Variants in NRBP2 observed in about 807,000 individuals in gnomAD.
The protein encoded by NRBP2 is nuclear receptor binding protein 2.
NRBP2 carries 47 observed loss-of-function variants against 74.4 expected under a neutral mutation model. The ratio of observed to expected loss-of-function variants is 0.63; its 90% CI spans 0.50 to 0.81. The LOEUF is 0.81. Among genes scored for constraint, NRBP2 ranks in the 30% least tolerant of loss-of-function variants. The pLI, the probability that NRBP2 is intolerant of heterozygous loss-of-function variation, is 0.00. For synonymous variants in NRBP2, 312 were observed against 273.8 expected (o/e 1.14, Z -1.38); for missense variants, 613 against 690.1 (o/e 0.89, Z 1.25).
At chr8:143,830,316 C>G (rs1053814529), downstream of NRBP2, among the ~76,000 whole-genome samples, 1 of 152,220 alleles carries the variant, frequency 6.6e-6, no homozygotes, top group Admixed American at 6.5e-5. Context: ...GTCTGAGGGT[C>G]GTGGGTGAAA....
chr8:143,836,192 GA>G lies in NRBP2; in HGVS notation c.1264-13del. ...TGCATCTGGATGACCTGCAGCGGGG[GA>G]AGGCTGGGACTCACAAACCCAGCAG... is the stretch of plus-strand genomic sequence containing the variant. On this transcript the variant is annotated splice_polypyrimidine_tract_variant and intron_variant, in intron 14 of 17. Transcript: ENST00000442628. 1 of 1,539,078 alleles carries G rather than the reference GA, an allele frequency of 6.5e-7. No individual in the cohort carries two copies. The highest frequency in any genetic ancestry group is 8.7e-7 in the Non-Finnish European group (1 of 1,150,424).
In NRBP2 at chr8:143,837,587, C is replaced by A; in HGVS notation, c.973+36G>T. ...GCCCCTTCCACGTCCCAACCTCCAC[C>A]TCCCCAGCCACCCCCCGGGCCGGCC... On this transcript the variant is annotated intron_variant, in intron 11 of 17. Coordinates refer to ENST00000442628, the MANE Select transcript of NRBP2 (RefSeq NM_178564.4). The surrounding 1 kb of genome is among the most constrained non-coding windows in gnomAD (Gnocchi z 4.3). 6.3e-7 allele frequency: 1 copy of A among 1,595,610 alleles called. No individual in the cohort carries two copies. Among genetic ancestry groups the A allele is most frequent in the Non-Finnish European group, 8.5e-7 (1 of 1,171,974 alleles).
At chr8:143,830,555 CCT>C (rs1179004423), downstream of NRBP2, among the ~76,000 whole-genome samples, 2 of 152,232 alleles carry the variant, frequency 1.3e-5, no homozygotes, top group Admixed American at 1.3e-4. Flanking sequence ...GAAGAGGGCT[CCT>C]CTCTGCAGCA....
downstream of NRBP2, among the ~76,000 whole-genome samples, chr8:143,830,741 AAGAAGAAAAGGGACTC>A (rs1818126525): frequency 1.3e-5 from 2 of 152,248 alleles, no homozygotes; most frequent in South Asian, 4.1e-4. Flanking sequence ...ACACCTGAGA[AAGAAGAAAAGGGACTC>A]AGAAGAAACA....
Position 143,835,934 on chromosome 8 carries a change from C to T in NRBP2, c.1381+33G>A. On this transcript the variant is annotated intron_variant, in intron 16 of 17. Transcript: ENST00000442628. The surrounding 1 kb of genome is among the most constrained non-coding windows in gnomAD (Gnocchi z 4.9). ...GCTGCCCACCCGCCGCCTGGGGTCA[C>T]CGCCCGCCGCCCAAGTCCCCTGCCC... 2 of 1,589,206 alleles carry T rather than the reference C, an allele frequency of 1.3e-6. No homozygotes were observed. Among genetic ancestry groups the T allele is most frequent in the South Asian group, 2.2e-5 (2 of 88,938 alleles).
Position 143,840,031 on chromosome 8 carries a change from C to A in NRBP2, c.253-1G>T. The A allele has an allele frequency of 6.5e-7, 1 of 1,536,168 alleles. No individual in the cohort carries two copies. Among genetic ancestry groups the A allele is most frequent in the Non-Finnish European group, 8.7e-7 (1 of 1,146,908 alleles). On this transcript the variant is annotated splice_acceptor_variant, in intron 2 of 17. Transcript: ENST00000442628. LOFTEE classifies it high-confidence loss of function. This position sits in a 1 kb window ranked among gnomAD's most constrained non-coding sequence, Gnocchi z 5.7. ...GCTCGAACACGGTCTGGATCTTCTC[C>A]TGGGGAGGGAGGGTGGTCGCTGGGT...
At position 143,835,620 on chromosome 8, in the gene NRBP2, A is replaced by C; in HGVS notation, c.*42T>G. The stretch of plus-strand genomic sequence containing the variant: ...GGAGTCTCCCCAACATGGCCTGCCC[A>C]GGCAGCACCCCGGCATGGTCCCCTG... On this transcript the variant is annotated 3_prime_UTR_variant, in exon 18 of 18. Transcript: ENST00000442628. This position sits in a 1 kb window ranked among gnomAD's most constrained non-coding sequence, Gnocchi z 4.9. 1 of 1,506,864 alleles carries C rather than the reference A, an allele frequency of 6.6e-7. No homozygotes were observed. Among genetic ancestry groups the C allele is most frequent in the Non-Finnish European group, 8.9e-7 (1 of 1,121,540 alleles). The allele number at this position is 1,506,864 out of a possible 1,614,324, so 93.3% of individuals were successfully genotyped here.
At chr8:143,831,132 T>C (rs1038530694), downstream of NRBP2, among the ~76,000 whole-genome samples, 44 of 152,234 alleles carry the variant, frequency 2.9e-4, no homozygotes, top group African/African-American at 9.6e-4. Context: ...GGCAATAATG[T>C]GCACGCAGGA....
intron 14 of NRBP2, 147 bp downstream of exon 14, chr8:143,836,892 C>G: frequency 1.1e-6 from 1 of 906,744 alleles, no homozygotes; most frequent in Non-Finnish European, 1.7e-6. Flanking sequence ...ATGACCCCCA[C>G]AAGGGGGTCA....
At position 143,839,942 on chromosome 8, in the gene NRBP2, TCA is replaced by T. The variant is rs1818621946; in HGVS notation, c.339_340del (p.Glu114GlyfsTer92). ...GCCCGTGCTCACCCTCGCGCAGGCCTCAGAGGTATCCAGCCAGTACTTGTGCA... is the reference window on the plus strand; with the variant it reads ...GCCCGTGCTCACCCTCGCGCAGGCCTGAGGTATCCAGCCAGTACTTGTGCA... On this transcript the variant is annotated frameshift_variant, in exon 3 of 18. Coordinates refer to ENST00000442628, the MANE Select transcript of NRBP2 (RefSeq NM_178564.4). LOFTEE classifies it high-confidence loss of function. The surrounding 1 kb of genome is among the most constrained non-coding windows in gnomAD (Gnocchi z 5.1). The T allele has an allele frequency of 6.5e-7, 1 of 1,535,992 alleles. No individual in the cohort carries two copies. Among genetic ancestry groups the T allele is most frequent in the Non-Finnish European group, 8.7e-7 (1 of 1,146,892 alleles).
chr8:143,836,085 C>T (rs199642981), intron 15 of NRBP2, 42 bp downstream of exon 15: 129 of 1,587,942 alleles, frequency 8.1e-5, no homozygotes, highest in East Asian at 2.7e-4. Context: ...GCCACGCTCC[C>T]GCCTTCCCCA....
At chr8:143,831,494 G>A (rs782049110), downstream of NRBP2, among the ~76,000 whole-genome samples, 49 of 152,168 alleles carry the variant, frequency 3.2e-4, 1 homozygote, top group Non-Finnish European at 1.0e-4. Context: ...GGTGGCACAC[G>A]CCTGTAGTCC....
At chr8:143,830,216 C>G (rs1334428864), downstream of NRBP2, among the ~76,000 whole-genome samples, 1 of 152,262 alleles carries the variant, frequency 6.6e-6, no homozygotes. Context: ...TAAAGACAAA[C>G]CCTGCAAGGG....
Position 143,838,568 on chromosome 8 carries a change from A to G in NRBP2, c.840+112T>C, listed in dbSNP as rs1010292935. The stretch of plus-strand genomic sequence containing the variant: ...TTTGGGAGGGGTGCAGTCAGCTGGT[A>G]TACCCCTCAACTGCACAAACTGTGA... On this transcript the variant is annotated intron_variant, in intron 10 of 17. Coordinates refer to ENST00000442628, the MANE Select transcript of NRBP2 (RefSeq NM_178564.4). 1.8e-5 allele frequency: 14 copies of G among 764,208 alleles called. No homozygotes were observed. The African/African-American group carries it at 2.4e-4, about 13-fold the overall frequency. The allele number at this position is 764,208 out of a possible 1,614,324, so 47.3% of individuals were successfully genotyped here.
At chr8:143,832,652 A>C (rs1409349918), downstream of NRBP2, among the ~76,000 whole-genome samples, 1 of 152,264 alleles carries the variant, frequency 6.6e-6, no homozygotes, top group Non-Finnish European at 1.5e-5. Flanking sequence ...CTAAAAGCAC[A>C]GCACTTAATC....
intron 9 of NRBP2, 30 bp from the exon 10 acceptor site, chr8:143,838,805 G>C: frequency 5.0e-6 from 8 of 1,611,436 alleles, no homozygotes; most frequent in Non-Finnish European, 6.8e-6. Context: ...CAGGCATGGG[G>C]AAGGGACCAC....
At chr8:143,833,377 A>G (rs1227165894), downstream of NRBP2, 1 of 152,236 alleles carries the variant, frequency 6.6e-6, no homozygotes, top group Admixed American at 6.5e-5. Context: ...GTGGTAATGA[A>G]GCTGTAATAA....
Position 143,838,544 on chromosome 8 carries a change from T to C in NRBP2, c.840+136A>G. 4 of 666,180 alleles carry C rather than the reference T, an allele frequency of 6.0e-6. 1 individual carries two copies. Among genetic ancestry groups the C allele is most frequent in the South Asian group, 5.4e-5 (3 of 55,332 alleles). The allele number at this position is 666,180 out of a possible 1,614,324, so 41.3% of individuals were successfully genotyped here. The stretch of plus-strand genomic sequence containing the variant: ...GTATGTGCTCCCACTGAGGTCCTCT[T>C]TGGGAGGGGTGCAGTCAGCTGGTAT... On this transcript the variant is annotated intron_variant, in intron 10 of 17. Transcript: ENST00000442628.
At chr8:143,838,832 G>A (rs2130550250) in intron 9 of NRBP2, 51 bp downstream of exon 9, 2 of 1,612,142 alleles carry the variant, frequency 1.2e-6, no homozygotes, top group Middle Eastern at 1.7e-4. Context: ...GAGCCAGGCA[G>A]GGCACAGTTA....
Sources: gnomAD v4.1 joint callset for allele counts (sites outside exome capture counted in the v4.1 genomes callset) on GRCh38, gnomAD v4.1.1 for gene constraint, Gnocchi (gnomAD v3.1) non-coding constraint, MANE v1.5 for transcripts, NCBI Gene and HGNC (gene_info 2026-07-23, HGNC 2026-07-21) for gene names.